STXBP6: variants seen among roughly 807,000 people sequenced by gnomAD.
STXBP6 encodes the protein syntaxin binding protein 6, also known as syntaxin-binding protein 6.
Under a neutral mutation model 26.9 loss-of-function variants are expected in STXBP6, and 21 were observed. That is an observed-to-expected ratio of 0.78 (90% CI 0.55 to 1.12). The LOEUF (loss-of-function observed/expected upper bound fraction) is 1.12, where lower values mean the gene tolerates loss of function less well. Among genes scored for constraint, STXBP6 ranks in the 50% most tolerant of loss-of-function variants. The probability of loss-of-function intolerance (pLI) is 0.00; values close to 1 mark genes in which losing one functional copy is unlikely to be tolerated. For synonymous variants in STXBP6, 97 were observed against 92.6 expected (o/e 1.05, Z -0.27); for missense variants, 232 against 257.9 (o/e 0.90, Z 0.69).
chr14:24,832,887 T>C (rs1365096924), intron 4 of STXBP6, among the ~76,000 whole-genome samples: 1 of 152,204 alleles, frequency 6.6e-6, no homozygotes, highest in African/African-American at 2.4e-5. Context: ...GTGACTACCA[T>C]GCGCCAGAAA....
intron 2 of STXBP6, among the ~76,000 whole-genome samples, chr14:24,958,555 A>G (rs1024321556): frequency 1.3e-5 from 2 of 152,248 alleles, no homozygotes; most frequent in African/African-American, 4.8e-5. Context: ...GATTCCTGGC[A>G]TATCACAGCC....
chr14:25,004,229 C>T (rs560272485), intron 1 of STXBP6, among the ~76,000 whole-genome samples: 8 of 152,320 alleles, frequency 5.3e-5, no homozygotes, highest in East Asian at 3.9e-4. Flanking sequence ...ACAACTAAAA[C>T]GGCTGAGTAG....
chr14:24,935,531 A>G (rs2072563465), intron 2 of STXBP6, among the ~76,000 whole-genome samples: 1 of 152,176 alleles, frequency 6.6e-6, no homozygotes, highest in African/African-American at 2.4e-5. Flanking sequence ...AGGAAGAAAA[A>G]CATCTCCATG....
At chr14:24,959,651 A>G (rs928855117) in intron 2 of STXBP6, among the ~76,000 whole-genome samples, 1 of 152,224 alleles carries the variant, frequency 6.6e-6, no homozygotes, top group African/African-American at 2.4e-5. Flanking sequence ...AAGGGTTGGC[A>G]TAGCAGTGCT....
intron 2 of STXBP6, among the ~76,000 whole-genome samples, chr14:24,884,567 C>T (rs2139461145): frequency 6.6e-6 from 1 of 152,276 alleles, no homozygotes; most frequent in African/African-American, 2.4e-5. Flanking sequence ...AACCAACCGT[C>T]AGTGCAAGAT....
At chr14:24,972,013 A>G (rs960532445) in intron 2 of STXBP6, among the ~76,000 whole-genome samples, 31 of 152,202 alleles carry the variant, frequency 2.0e-4, no homozygotes, top group African/African-American at 7.2e-4. Context: ...AGCTTTGCAC[A>G]AGTTAAAAAA....
intron 4 of STXBP6, among the ~76,000 whole-genome samples, chr14:24,819,631 A>G (rs377278649): frequency 5.9e-5 from 9 of 152,336 alleles, no homozygotes; most frequent in African/African-American, 2.2e-4. Context: ...GTGAATAACC[A>G]TAGGAAAACT....
At chr14:24,856,920 AT>A (rs1347632079) in intron 3 of STXBP6, 106 bp downstream of exon 3, 4 of 1,347,578 alleles carry the variant, frequency 3.0e-6, no homozygotes, top group Non-Finnish European at 4.0e-6. Flanking sequence ...AAATAGAGAA[AT>A]AGCCTTCTTA....
chr14:24,858,303 A>G (rs1320083699), intron 2 of STXBP6, among the ~76,000 whole-genome samples: 1 of 152,022 alleles, frequency 6.6e-6, no homozygotes, highest in African/African-American at 2.4e-5. Context: ...GGGGCCATTA[A>G]AGCAGGAGAG....
intron 1 of STXBP6, among the ~76,000 whole-genome samples, chr14:24,993,528 G>C (rs1005905298): frequency 6.6e-6 from 1 of 152,024 alleles, no homozygotes; most frequent in Non-Finnish European, 1.5e-5. Context: ...GCCCAGTTTT[G>C]CCTCCTTCCA....
chr14:25,015,427 C>T (rs1288935913), intron 1 of STXBP6, among the ~76,000 whole-genome samples: 1 of 151,540 alleles, frequency 6.6e-6, no homozygotes, highest in African/African-American at 2.4e-5. Flanking sequence ...CCCAGGGAGG[C>T]AGAAAATAAA....
chr14:24,813,776 T>C (rs1184074057), intron 5 of STXBP6, among the ~76,000 whole-genome samples: 6 of 152,194 alleles, frequency 3.9e-5, no homozygotes, highest in Non-Finnish European at 8.8e-5. Flanking sequence ...TTTTGGAATG[T>C]CACTAATCCA....
chr14:24,952,373 A>C (rs943441446), intron 2 of STXBP6, among the ~76,000 whole-genome samples: 1 of 152,006 alleles, frequency 6.6e-6, no homozygotes, highest in Admixed American at 6.6e-5. Flanking sequence ...GTCGGCATGA[A>C]TACAGTTATC....
intron 4 of STXBP6, among the ~76,000 whole-genome samples, chr14:24,819,923 C>T (rs1054122969): frequency 6.6e-6 from 1 of 152,102 alleles, no homozygotes; most frequent in Non-Finnish European, 1.5e-5. Context: ...TGATAGAAAC[C>T]AGCCCTAGAA....
intron 2 of STXBP6, among the ~76,000 whole-genome samples, chr14:24,941,561 C>T (rs2072803740): frequency 6.6e-6 from 1 of 152,248 alleles, no homozygotes; most frequent in Middle Eastern, 3.4e-3. Context: ...GAGGAGGGAG[C>T]AGGAGGTTGA....
intron 4 of STXBP6, among the ~76,000 whole-genome samples, chr14:24,847,433 A>G (rs1471759468): frequency 6.6e-6 from 1 of 152,134 alleles, no homozygotes; most frequent in African/African-American, 2.4e-5. Context: ...TTAATGTTAA[A>G]CTTTCTTTTA....
intron 1 of STXBP6, chr14:25,048,903 G>T (rs873103): frequency 0.17 from 25,333 of 153,234 alleles, 2,442 homozygotes; most frequent in African/African-American, 0.26. Context: ...TCCTGGGGTC[G>T]CCCGGAAGGC....
chr14:24,889,456 C>G (rs1015034003), intron 2 of STXBP6, among the ~76,000 whole-genome samples: 2 of 147,722 alleles, frequency 1.4e-5, no homozygotes, highest in African/African-American at 5.0e-5. Context: ...AGGAGATATA[C>G]CTAATGCTAA....
intron 2 of STXBP6, among the ~76,000 whole-genome samples, chr14:24,910,353 A>C (rs533433301): frequency 6.6e-6 from 1 of 152,180 alleles, no homozygotes; most frequent in Non-Finnish European, 1.5e-5. Flanking sequence ...TTGGATTACA[A>C]ATTTCATTAA....
Sources: allele counts gnomAD v4.1 joint callset (sites outside exome capture counted in the v4.1 genomes callset), GRCh38; gene constraint gnomAD v4.1.1; transcripts MANE v1.5; gene names NCBI Gene and HGNC (gene_info 2026-07-23, HGNC 2026-07-21).